MBNL3: variants seen among roughly 807,000 people sequenced by gnomAD.
MBNL3 encodes muscleblind like splicing regulator 3, also known as muscleblind-like protein 3.
Under a neutral mutation model 24.5 loss-of-function variants are expected in MBNL3, and 6 were observed. The observed-to-expected ratio is 0.25, with a 90% confidence interval of 0.13 to 0.48. MBNL3 has a LOEUF of 0.48. Among genes scored for constraint, MBNL3 ranks in the 20% least tolerant of loss-of-function variants. The pLI, the probability that MBNL3 is intolerant of heterozygous loss-of-function variation, is 0.99. For synonymous variants in MBNL3, 100 were observed against 101.7 expected (o/e 0.98, Z 0.10); for missense variants, 230 against 293.5 (o/e 0.78, Z 1.58).
chrX:132,480,473 C>T (rs1569463091), intron 1 of MBNL3, among the ~76,000 whole-genome samples: 1 of 111,663 alleles, frequency 9.0e-6, no homozygotes, highest in Non-Finnish European at 1.9e-5. Context: ...AATTCAGGGC[C>T]CTCAACTTTA....
intron 1 of MBNL3, among the ~76,000 whole-genome samples, chrX:132,462,696 ATGTGTG>A (rs752541854): frequency 1.7e-4 from 18 of 108,498 alleles, no homozygotes; most frequent in Non-Finnish European, 2.9e-4. Context: ...GTGTGCATGC[ATGTGTG>A]TGTGTGTGTG....
chrX:132,479,698 T>C (rs1403849678), intron 1 of MBNL3, among the ~76,000 whole-genome samples: 1 of 112,035 alleles, frequency 8.9e-6, no homozygotes, highest in Non-Finnish European at 1.9e-5. Context: ...TGAAACTTAA[T>C]ATTTGGTTTG....
chrX:132,386,357 C>T (rs547056754), intron 6 of MBNL3, among the ~76,000 whole-genome samples: 1 of 111,362 alleles, frequency 9.0e-6, no homozygotes, highest in South Asian at 3.8e-4. Context: ...GACAGTGATA[C>T]CTAAGAGTCA....
chrX:132,400,076 G>A lies in MBNL3; in HGVS notation c.342+6152C>T, dbSNP rs184957031. 6.3e-5 allele frequency among the ~76,000 whole-genome samples: 7 copies of A among 111,295 alleles called. No homozygotes were observed. In the East Asian group the frequency reaches 1.4e-3, roughly 22 times the overall value. ...TGATAAAGGGAGAATGTTGAGATTT[G>A]TGACTATCAAAGAAACTGGACACTA... On this transcript the variant is annotated intron_variant, in intron 3 of 8. Coordinates refer to ENST00000370853, the MANE Select transcript of MBNL3 (RefSeq NM_001386889.1).
At chrX:132,408,543 A>T (rs1053942111) in intron 2 of MBNL3, among the ~76,000 whole-genome samples, 1 of 111,790 alleles carries the variant, frequency 8.9e-6, no homozygotes, top group African/African-American at 3.2e-5. Flanking sequence ...TATCATCTAC[A>T]TTGAATGTAA....
At chrX:132,420,569 A>AT (rs1025041449) in intron 2 of MBNL3, among the ~76,000 whole-genome samples, 3 of 110,832 alleles carry the variant, frequency 2.7e-5, no homozygotes, top group African/African-American at 6.6e-5. Context: ...ATGATTGGCT[A>AT]TTTTTTTTAA....
At chrX:132,471,023 C>A (rs991476031) in intron 1 of MBNL3, among the ~76,000 whole-genome samples, 1 of 111,194 alleles carries the variant, frequency 9.0e-6, no homozygotes, top group African/African-American at 3.3e-5. Flanking sequence ...CTCTCTGAGC[C>A]CCATGTTCCC....
intron 1 of MBNL3, among the ~76,000 whole-genome samples, 168 bp downstream of exon 1, chrX:132,488,683 G>A (rs924388905): frequency 1.8e-5 from 2 of 112,566 alleles, no homozygotes; most frequent in Non-Finnish European, 3.8e-5. Context: ...AAAAGGAGGA[G>A]GAGGAAAGGA....
intron 1 of MBNL3, among the ~76,000 whole-genome samples, chrX:132,470,571 C>A (rs1410575927): frequency 9.0e-6 from 1 of 111,703 alleles, no homozygotes; most frequent in African/African-American, 3.3e-5. Context: ...ATATCAGGAA[C>A]TAGCTCTGCT....
Position 132,413,783 on chromosome X carries a change from G to C in MBNL3, c.178-7391C>G, listed in dbSNP as rs1943040433. ...CCCTTTAGGCTAGGATGAAGAGGGG[G>C]ATGGTGTGTGACCAATACCTGCCTA... On this transcript the variant is annotated intron_variant, in intron 2 of 8. Transcript: ENST00000370853. Among the ~76,000 whole-genome samples the C allele has an allele frequency of 2.7e-5, 3 of 111,602 alleles. No individual in the cohort carries two copies. In the Admixed American group the frequency reaches 2.9e-4, roughly 11 times the overall value.
intron 2 of MBNL3, 89 bp from the exon 3 acceptor site, chrX:132,406,481 T>C (rs1941843517): frequency 2.4e-6 from 2 of 830,850 alleles, no homozygotes; most frequent in Middle Eastern, 3.6e-4. Flanking sequence ...CAATCTAAGC[T>C]CCAAAACTCT....
chrX:132,411,464 G>A (rs776687283), intron 2 of MBNL3: 11 of 735,949 alleles, frequency 1.5e-5, no homozygotes, highest in South Asian at 1.4e-4. Flanking sequence ...GGGCTGAATC[G>A]GATTGTAGGG....
chrX:132,476,367 A>G (rs751084938), intron 1 of MBNL3, among the ~76,000 whole-genome samples: 17 of 112,106 alleles, frequency 1.5e-4, no homozygotes, highest in Admixed American at 4.7e-4. Flanking sequence ...TCCCTCACTT[A>G]CTAGTTTAGG....
In MBNL3 at chrX:132,471,529, C is replaced by A. The variant is rs377403363; in HGVS notation, c.-704+17322G>T. ...GCAGACCCTGTCTATAAAAAAAATT[C>A]TTTTTAACTAGCCAAGCGTGGTGGC... is the stretch of plus-strand genomic sequence containing the variant. On this transcript the variant is annotated intron_variant, in intron 1 of 8. Coordinates refer to ENST00000370853, the MANE Select transcript of MBNL3 (RefSeq NM_001386889.1). Among the ~76,000 whole-genome samples, 22 of 111,840 alleles carry A rather than the reference C, an allele frequency of 2.0e-4. No homozygotes were observed. In the East Asian group the frequency reaches 6.2e-3, roughly 32 times the overall value.
chrX:132,463,570 C>A (rs1005609404), intron 1 of MBNL3, among the ~76,000 whole-genome samples: 10 of 112,089 alleles, frequency 8.9e-5, no homozygotes, highest in Non-Finnish European at 1.9e-4. Flanking sequence ...TCATTGTTAT[C>A]CACACACGGC....
At chrX:132,463,093 A>C (rs1946709617) in intron 1 of MBNL3, among the ~76,000 whole-genome samples, 2 of 112,811 alleles carry the variant, frequency 1.8e-5, no homozygotes, top group Middle Eastern at 4.7e-3. Flanking sequence ...TGGTGAAAGA[A>C]AAGTACTCAT....
At chrX:132,480,493 T>A (rs1341691287) in intron 1 of MBNL3, among the ~76,000 whole-genome samples, 4 of 111,849 alleles carry the variant, frequency 3.6e-5, no homozygotes, top group Non-Finnish European at 7.5e-5. Context: ...ATTTGGCCAG[T>A]CTCTATTGGA....
intron 1 of MBNL3, among the ~76,000 whole-genome samples, chrX:132,459,555 C>A (rs1305942051): frequency 8.9e-6 from 1 of 111,919 alleles, no homozygotes; most frequent in Non-Finnish European, 1.9e-5. Flanking sequence ...CCACCATGAA[C>A]CCATTAAATT....
chrX:132,425,824 T>A (rs1293212983), intron 2 of MBNL3, among the ~76,000 whole-genome samples: 7 of 111,889 alleles, frequency 6.3e-5, no homozygotes, highest in South Asian at 3.7e-4. Flanking sequence ...AGTAATTTTT[T>A]AAAAAAATCC....
Sources: gnomAD v4.1 joint callset for allele counts (sites outside exome capture counted in the v4.1 genomes callset) on GRCh38, gnomAD v4.1.1 for gene constraint, MANE v1.5 for transcripts, NCBI Gene and HGNC (gene_info 2026-07-23, HGNC 2026-07-21) for gene names.